DHRS3: variants seen among roughly 807,000 people sequenced by gnomAD.
The protein encoded by DHRS3 is short-chain dehydrogenase/reductase 3.
A neutral mutation model predicts 27.2 loss-of-function variants in DHRS3; 14 were observed. That is an observed-to-expected ratio of 0.52 (90% CI 0.34 to 0.81). The LOEUF is 0.81. Among genes scored for constraint, DHRS3 ranks in the 30% least tolerant of loss-of-function variants. The probability of loss-of-function intolerance (pLI) is 0.01; values close to 1 mark genes in which losing one functional copy is unlikely to be tolerated. For missense variants in DHRS3, 322 were observed against 406.2 expected (o/e 0.79, Z 1.78); for synonymous variants, 165 against 175.9 (o/e 0.94, Z 0.49).
At position 12,586,600 on chromosome 1, in the gene DHRS3, C is replaced by G. The variant is rs1043906131; in HGVS notation, c.196-5934G>C. 6.6e-6 allele frequency among the ~76,000 whole-genome samples: 1 copy of G among 152,190 alleles called. No individual in the cohort carries two copies. Among genetic ancestry groups the G allele is most frequent in the Non-Finnish European group, 1.5e-5 (1 of 68,046 alleles). On this transcript the variant is annotated intron_variant, in intron 1 of 5. Transcript: ENST00000616661. This position sits in a 1 kb window ranked among gnomAD's most constrained non-coding sequence, Gnocchi z 5.0. ...GAAGGAACCAGAAAACAGTCAGTCA[C>G]AAATGACAGTAAGTGGGATAAAGAA...
At position 12,568,062 on chromosome 1, in the gene DHRS3, G is replaced by C. The variant is rs1646499583; in HGVS notation, c.*278C>G. Reference sequence around the variant, plus strand: ...CACACTGCTGAGGCTGGTTAGACTTGAGAAGCAATTGACAATAAACTCTAC... The same window carrying C: ...CACACTGCTGAGGCTGGTTAGACTTCAGAAGCAATTGACAATAAACTCTAC... On this transcript the variant is annotated 3_prime_UTR_variant, in exon 6 of 6. Transcript: ENST00000616661. The C allele has an allele frequency of 2.8e-6, 1 of 352,736 alleles. No individual in the cohort carries two copies. Among genetic ancestry groups the C allele is most frequent in the Non-Finnish European group, 5.4e-6 (1 of 185,938 alleles). The allele number at this position is 352,736 out of a possible 1,614,324, so 21.9% of individuals were successfully genotyped here. A position where few individuals can be genotyped will look rare whatever the true frequency, so the allele number is the denominator to read the frequency against.
intron 1 of DHRS3, among the ~76,000 whole-genome samples, chr1:12,611,473 G>A (rs1646909174): frequency 1.3e-5 from 2 of 152,242 alleles, no homozygotes; most frequent in African/African-American, 4.8e-5. Context: ...GCTACCTGTT[G>A]AGGGAGTTTT....
At chr1:12,577,223 C>T (rs766812423) in intron 4 of DHRS3, among the ~76,000 whole-genome samples, 20 of 152,274 alleles carry the variant, frequency 1.3e-4, no homozygotes, top group African/African-American at 2.2e-4. Context: ...TCATCGATGA[C>T]GTCATGCCCC....
Position 12,572,034 on chromosome 1 carries a change from A to C in DHRS3, c.824+694T>G, listed in dbSNP as rs563832557. On this transcript the variant is annotated intron_variant, in intron 5 of 5. Coordinates refer to ENST00000616661, the MANE Select transcript of DHRS3 (RefSeq NM_004753.7). ...AGGTAGAACAATGCCACTCCTGACT[A>C]CATTTATTTTGTTTTAGAATACATA... 1.1e-4 allele frequency among the ~76,000 whole-genome samples: 16 copies of C among 152,354 alleles called. No individual in the cohort carries two copies. In the East Asian group the frequency reaches 3.1e-3, roughly 29 times the overall value.
In DHRS3 at chr1:12,594,675, G is replaced by A. The variant is rs1028730427; in HGVS notation, c.196-14009C>T. Among the ~76,000 whole-genome samples, 1 of 152,044 alleles carries A rather than the reference G, an allele frequency of 6.6e-6. No homozygotes were observed. Among genetic ancestry groups the A allele is most frequent in the Non-Finnish European group, 1.5e-5 (1 of 68,004 alleles). ...AGCATCCCTGGTGGAGGGAACAGTT[G>A]GTGCAAAGGCCCTGGGGTGGGAATG... On this transcript the variant is annotated intron_variant, in intron 1 of 5. Transcript: ENST00000616661. The surrounding 1 kb of genome is among the most constrained non-coding windows in gnomAD (Gnocchi z 4.1).
At chr1:12,581,010 T>C (rs112949470) in intron 1 of DHRS3, among the ~76,000 whole-genome samples, 1,772 of 152,108 alleles carry the variant, frequency 0.012, 31 homozygotes, top group African/African-American at 0.04. Context: ...AAAAATTTTG[T>C]AGAGTAGGGG....
intron 1 of DHRS3, among the ~76,000 whole-genome samples, chr1:12,605,506 G>C (rs1646864507): frequency 6.6e-6 from 1 of 152,160 alleles, no homozygotes; most frequent in Non-Finnish European, 1.5e-5. Flanking sequence ...TATAGTAATA[G>C]TGCCATGTAT....
intron 1 of DHRS3, among the ~76,000 whole-genome samples, chr1:12,600,768 A>G (rs999284067): frequency 6.6e-6 from 1 of 152,158 alleles, no homozygotes; most frequent in Non-Finnish European, 1.5e-5. Flanking sequence ...TATCACTAGC[A>G]ACCATGACCT....
Position 12,600,325 on chromosome 1 carries a change from C to A in DHRS3, c.195+16829G>T, listed in dbSNP as rs190754746. On this transcript the variant is annotated intron_variant, in intron 1 of 5. Coordinates refer to ENST00000616661, the MANE Select transcript of DHRS3 (RefSeq NM_004753.7). ...GATCTGCTGGCTGAGGAGGTGTGAG[C>A]CCTCGGAGGGCACCATGTGCCCAGT... 2.3e-4 allele frequency: 224 copies of A among 984,980 alleles called. No individual in the cohort carries two copies. The African/African-American group carries it at 3.4e-3, about 15-fold the overall frequency. The allele number at this position is 984,980 out of a possible 1,614,324, so 61.0% of individuals were successfully genotyped here.
chr1:12,615,020 G>T (rs1646935144), intron 1 of DHRS3, among the ~76,000 whole-genome samples: 1 of 152,070 alleles, frequency 6.6e-6, no homozygotes, highest in South Asian at 2.1e-4. Flanking sequence ...TTGACCCTTT[G>T]TTCCCAACCC....
At chr1:12,617,098 T>G (rs1182888582) in intron 1 of DHRS3, 56 bp downstream of exon 1, 4 of 1,535,194 alleles carry the variant, frequency 2.6e-6, no homozygotes, top group Non-Finnish European at 3.5e-6. Context: ...CGGCAGCAGG[T>G]GGGCTTACCC....
chr1:12,583,618 CAT>C (rs1646666673), intron 1 of DHRS3, among the ~76,000 whole-genome samples: 302 of 149,760 alleles, frequency 2.0e-3, no homozygotes, highest in African/African-American at 7.0e-3. Context: ...TCCATCCATC[CAT>C]CCATCCATCC....
chr1:12,587,203 C>T (rs1402488427), intron 1 of DHRS3, among the ~76,000 whole-genome samples: 4 of 145,366 alleles, frequency 2.8e-5, no homozygotes, highest in African/African-American at 7.8e-5. Flanking sequence ...AGTGCAGTGG[C>T]GCAATCATGA....
chr1:12,590,636 T>C (rs1052810401), intron 1 of DHRS3, among the ~76,000 whole-genome samples: 8 of 151,992 alleles, frequency 5.3e-5, no homozygotes, highest in African/African-American at 1.9e-4. Flanking sequence ...ACAAAGACTC[T>C]GTCGCTAAAA....
intron 2 of DHRS3, 184 bp downstream of exon 2, chr1:12,580,339 A>T: frequency 1.4e-6 from 1 of 718,078 alleles, no homozygotes; most frequent in Non-Finnish European, 2.4e-6. Flanking sequence ...CCTGTTACGT[A>T]ATCAACCCTA....
intron 1 of DHRS3, among the ~76,000 whole-genome samples, chr1:12,613,876 T>A (rs1646926412): frequency 6.6e-6 from 1 of 152,100 alleles, no homozygotes; most frequent in Non-Finnish European, 1.5e-5. Flanking sequence ...TTCAAGCACT[T>A]CTCCTGCCTC....
rs1342620769 is a variant in DHRS3 at position 12,578,419 on chromosome 1, AT to A, written c.698+298del. The stretch of plus-strand genomic sequence containing the variant: ...TCAACTTCCTGGGCTCAAGCAATTG[AT>A]CCTCCCACCTCAGCCTCCCAGATAG... On this transcript the variant is annotated intron_variant, in intron 4 of 5. Transcript: ENST00000616661. This position sits in a 1 kb window ranked among gnomAD's most constrained non-coding sequence, Gnocchi z 4.5. Among the ~76,000 whole-genome samples the A allele has an allele frequency of 6.6e-6, 1 of 152,130 alleles. No homozygotes were observed. The highest frequency in any genetic ancestry group is 1.5e-5 in the Non-Finnish European group (1 of 68,022).
chr1:12,570,363 A>T (rs1003414563), intron 5 of DHRS3, among the ~76,000 whole-genome samples: 4 of 152,156 alleles, frequency 2.6e-5, no homozygotes, highest in Non-Finnish European at 5.9e-5. Context: ...CCAGGCCCTC[A>T]CATGGGCCCG....
chr1:12,570,564 C>T (rs1319305423), intron 5 of DHRS3, among the ~76,000 whole-genome samples: 2 of 152,150 alleles, frequency 1.3e-5, no homozygotes, highest in Admixed American at 1.3e-4. Context: ...GAATGGGGAG[C>T]GGGGTGGCTC....
Sources: gnomAD v4.1 joint callset for allele counts (sites outside exome capture counted in the v4.1 genomes callset) on GRCh38, gnomAD v4.1.1 for gene constraint, Gnocchi (gnomAD v3.1) non-coding constraint, MANE v1.5 for transcripts, NCBI Gene and HGNC (gene_info 2026-07-23, HGNC 2026-07-21) for gene names.